The following KLF12 variants were observed in gnomAD, a reference collection of about 807,000 sequenced individuals.
The protein encoded by KLF12 is Krueppel-like factor 12.
A neutral mutation model predicts 37.8 loss-of-function variants in KLF12; 9 were observed. The observed-to-expected ratio is 0.24, with a 90% CI of 0.14 to 0.42. The LOEUF is 0.42. Among genes scored for constraint, KLF12 ranks in the 10% least tolerant of loss-of-function variants. The pLI, the probability that KLF12 is intolerant of heterozygous loss-of-function variation, is 1.00. For missense variants in KLF12, 411 were observed against 516.0 expected (o/e 0.80, Z 1.97); for synonymous variants, 208 against 202.1 (o/e 1.03, Z -0.25).
chr13:73,715,344 G>C (rs1334063752), intron 7 of KLF12, 24 bp downstream of exon 7: 1 of 1,604,082 alleles, frequency 6.2e-7, no homozygotes, highest in Non-Finnish European at 8.5e-7. Context: ...TGGCTCACAG[G>C]TGAGAAGCCC....
chr13:74,135,754 C>CG (rs1278423039), upstream of KLF12, among the ~76,000 whole-genome samples: 1 of 152,102 alleles, frequency 6.6e-6, no homozygotes, highest in Non-Finnish European at 1.5e-5. Flanking sequence ...GTGGGAAGGC[C>CG]GGGAAGGGGA....
chr13:74,184,658 T>C, the KLF12 span, among the ~76,000 whole-genome samples: 2 of 152,168 alleles, frequency 1.3e-5, no homozygotes, highest in African/African-American at 4.8e-5. Context: ...ACTTTATAAT[T>C]ATGTATGCAA....
At chr13:73,879,714 A>G (rs143050680) in intron 3 of KLF12, among the ~76,000 whole-genome samples, 1 of 152,330 alleles carries the variant, frequency 6.6e-6, no homozygotes, top group East Asian at 1.9e-4. Context: ...CACAATCTCT[A>G]CAACAGAAGT....
At chr13:73,948,504 C>T (rs1890527257) in intron 2 of KLF12, among the ~76,000 whole-genome samples, 1 of 152,212 alleles carries the variant, frequency 6.6e-6, no homozygotes, top group Non-Finnish European at 1.5e-5. Context: ...CAGGCATGAG[C>T]CACCAGGATG....
the KLF12 span, among the ~76,000 whole-genome samples, chr13:74,177,892 G>A: frequency 6.6e-6 from 1 of 152,184 alleles, no homozygotes; most frequent in Non-Finnish European, 1.5e-5. Context: ...ATCACCAAAT[G>A]TTAAGAAGCT....
intron 4 of KLF12, 45 bp from the exon 5 acceptor site, chr13:73,813,332 A>G (rs769010833): frequency 1.2e-6 from 2 of 1,608,308 alleles, no homozygotes; most frequent in East Asian, 2.2e-5. Flanking sequence ...CAGTGCGCAG[A>G]AAGTTAACCT....
intron 1 of KLF12, among the ~76,000 whole-genome samples, chr13:74,087,270 G>T (rs77962436): frequency 6.6e-6 from 1 of 152,098 alleles, no homozygotes; most frequent in Non-Finnish European, 1.5e-5. Context: ...GTATGTGACC[G>T]AACGTCGACA....
chr13:73,736,506 C>T (rs1476657830), intron 6 of KLF12, among the ~76,000 whole-genome samples: 4 of 152,114 alleles, frequency 2.6e-5, no homozygotes, highest in African/African-American at 9.7e-5. Flanking sequence ...ACTTTCTCCC[C>T]CATTACTTCT....
In KLF12 at chr13:73,975,691, A is replaced by G. The variant is rs888025345; in HGVS notation, c.33+19299T>C. On this transcript the variant is annotated intron_variant, in intron 2 of 7. Coordinates refer to ENST00000377669, the MANE Select transcript of KLF12 (RefSeq NM_007249.5). Reference sequence around the variant, plus strand: ...TGGGCTCCTCTTCCCTTCAACAGGTATATTTCTCTGAGCACTTTACTCTCA... The same window carrying G: ...TGGGCTCCTCTTCCCTTCAACAGGTGTATTTCTCTGAGCACTTTACTCTCA... Among the ~76,000 whole-genome samples, 4 of 152,268 alleles carry G rather than the reference A, an allele frequency of 2.6e-5. No individual in the cohort carries two copies. The South Asian group carries it at 6.2e-4, about 24-fold the overall frequency.
intron 4 of KLF12, chr13:73,845,247 GAAGT>G (rs1217790136): frequency 6.6e-6 from 1 of 152,080 alleles, no homozygotes; most frequent in African/African-American, 2.4e-5. Context: ...AGCCTTATAA[GAAGT>G]TAGTAACACA....
At chr13:74,046,709 G>A (rs1893557398) in intron 1 of KLF12, among the ~76,000 whole-genome samples, 1 of 151,994 alleles carries the variant, frequency 6.6e-6, no homozygotes. Context: ...TAAATACACT[G>A]CAACCACTCT....
intron 1 of KLF12, among the ~76,000 whole-genome samples, chr13:74,022,570 C>T (rs1892868300): frequency 3.5e-5 from 5 of 142,886 alleles, no homozygotes; most frequent in South Asian, 2.2e-4. Flanking sequence ...ACTTTTGCAA[C>T]CTTACACTTT....
intron 6 of KLF12, among the ~76,000 whole-genome samples, chr13:73,763,978 G>A (rs1159817451): frequency 1.3e-5 from 2 of 152,110 alleles, no homozygotes; most frequent in Non-Finnish European, 2.9e-5. Context: ...GAAGGGAGGT[G>A]AGATGATTAG....
chr13:73,747,987 G>T (rs1158876732), intron 6 of KLF12, among the ~76,000 whole-genome samples: 4 of 152,210 alleles, frequency 2.6e-5, no homozygotes, highest in Non-Finnish European at 5.9e-5. Flanking sequence ...TCATTGAAAG[G>T]TGGTTCTAAC....
chr13:74,245,565 T>C, the KLF12 span, among the ~76,000 whole-genome samples: 1 of 152,204 alleles, frequency 6.6e-6, no homozygotes, highest in Non-Finnish European at 1.5e-5. Context: ...TTTTCTCATT[T>C]GATAGATTAA....
chr13:73,838,946 T>TG (rs1176549729), intron 4 of KLF12, among the ~76,000 whole-genome samples: 1 of 152,170 alleles, frequency 6.6e-6, no homozygotes, highest in African/African-American at 2.4e-5. Context: ...CCTGATGGTT[T>TG]GAAAGCCACT....
intron 3 of KLF12, among the ~76,000 whole-genome samples, chr13:73,936,186 T>A (rs1296039718): frequency 6.6e-6 from 1 of 152,202 alleles, no homozygotes; most frequent in Non-Finnish European, 1.5e-5. Flanking sequence ...TGCCAGACAT[T>A]GTGATTTTTA....
At chr13:73,851,058 A>G (rs1885309642) in intron 3 of KLF12, among the ~76,000 whole-genome samples, 1 of 152,204 alleles carries the variant, frequency 6.6e-6, no homozygotes, top group Admixed American at 6.5e-5. Flanking sequence ...ATCCATCTAT[A>G]AAAGTGTGAT....
chr13:73,699,961 A>C (rs1042402216), intron 7 of KLF12, among the ~76,000 whole-genome samples: 5 of 152,180 alleles, frequency 3.3e-5, no homozygotes, highest in Non-Finnish European at 5.9e-5. Context: ...AATCAATAAA[A>C]ATGATATATA....
Sources: gnomAD v4.1 joint callset for allele counts (sites outside exome capture counted in the v4.1 genomes callset) on GRCh38, gnomAD v4.1.1 for gene constraint, MANE v1.5 for transcripts, NCBI Gene and HGNC (gene_info 2026-07-23, HGNC 2026-07-21) for gene names.